The following ARID5B variants were observed in gnomAD, a reference collection of about 807,000 sequenced individuals.
The protein encoded by ARID5B is AT-rich interactive domain-containing protein 5B.
In ARID5B, 13 loss-of-function variants were observed where a neutral mutation model predicts 97.2. That is an observed-to-expected ratio of 0.13 (90% CI 0.09 to 0.21). The LOEUF is 0.21. Ranked by LOEUF, ARID5B falls within the 10% of genes least tolerant of loss-of-function variation. The probability of loss-of-function intolerance (pLI) is 1.00; values close to 1 mark genes in which losing one functional copy is unlikely to be tolerated. For synonymous variants in ARID5B, 556 were observed against 570.3 expected (o/e 0.97, Z 0.36); for missense variants, 1,210 against 1,465.3 (o/e 0.83, Z 2.84).
At position 62,000,135 on chromosome 10, in the gene ARID5B, C is replaced by T; in HGVS notation, c.547C>T (p.Gln183Ter). 1 of 1,613,994 alleles carries T rather than the reference C, an allele frequency of 6.2e-7. No homozygotes were observed. The highest frequency in any genetic ancestry group is 8.5e-7 in the Non-Finnish European group (1 of 1,179,916). Residue 183 changes from glutamine to a stop codon, truncating the protein, a stop_gained, in exon 4 of 10, where the codon CAG becomes TAG. Coordinates refer to ENST00000279873, the MANE Select transcript of ARID5B (RefSeq NM_032199.3). LOFTEE classifies it high-confidence loss of function. The surrounding 1 kb of genome is among the most constrained non-coding windows in gnomAD (Gnocchi z 4.4). Reference protein sequence around the residue: ...ETNVIVLSYPQYCRYRSMLKR... With the variant: ...ETNVIVLSYP ...GAACGTGATAGTTCTCAGCTACCCCCAGTACTGCCGGTACCGCTCGATGCT... is the reference window on the plus strand; with the variant it reads ...GAACGTGATAGTTCTCAGCTACCCCTAGTACTGCCGGTACCGCTCGATGCT...
Position 61,955,369 on chromosome 10 carries a change from C to T in ARID5B, c.502+14961C>T, listed in dbSNP as rs527442618. Among the ~76,000 whole-genome samples the T allele has an allele frequency of 6.6e-5, 10 of 152,288 alleles. No individual in the cohort carries two copies. The East Asian group carries it at 1.7e-3, about 26-fold the overall frequency. On this transcript the variant is annotated intron_variant, in intron 3 of 9. Transcript: ENST00000279873. ...ACATGCAGTAACATGCATCACTTCT[C>T]ACATTTCATTAATCAATGAAGTGAT...
At chr10:61,937,857 C>T (rs2893880) in intron 2 of ARID5B, among the ~76,000 whole-genome samples, 1 of 151,944 alleles carries the variant, frequency 6.6e-6, no homozygotes, top group Non-Finnish European at 1.5e-5. Context: ...ATGTTGGCTA[C>T]TTTTTGTTTT....
chr10:61,913,754 T>A (rs1843849303), intron 2 of ARID5B, among the ~76,000 whole-genome samples: 1 of 152,134 alleles, frequency 6.6e-6, no homozygotes, highest in Admixed American at 6.5e-5. Context: ...TTGTTTTGTT[T>A]GTTTGTTTGT....
chr10:61,975,812 A>C (rs1211147691), intron 3 of ARID5B, among the ~76,000 whole-genome samples: 1 of 152,150 alleles, frequency 6.6e-6, no homozygotes, highest in East Asian at 1.9e-4. Flanking sequence ...CTTTGCTTTC[A>C]TAGGGAGCGA....
chr10:62,008,570 G>C (rs1330366085), intron 4 of ARID5B, among the ~76,000 whole-genome samples: 2 of 152,204 alleles, frequency 1.3e-5, no homozygotes, highest in African/African-American at 4.8e-5. Flanking sequence ...AAACCCACTG[G>C]ACTGGAATCA....
At chr10:61,984,929 A>G (rs566834139) in intron 3 of ARID5B, among the ~76,000 whole-genome samples, 18 of 152,196 alleles carry the variant, frequency 1.2e-4, no homozygotes, top group Non-Finnish European at 2.6e-4. Context: ...TAGCTGTGTG[A>G]CTGTTGTTAA....
At chr10:61,984,560 G>T (rs74932148) in intron 3 of ARID5B, among the ~76,000 whole-genome samples, 1,707 of 151,716 alleles carry the variant, frequency 0.011, 15 homozygotes, top group Middle Eastern at 0.027. Flanking sequence ...GGCAGCAGGT[G>T]GGGGGGGCCT....
chr10:62,019,895 C>G lies in ARID5B; in HGVS notation c.733+19574C>G, dbSNP rs181961568. The stretch of plus-strand genomic sequence containing the variant: ...GAATTAGCAAGGACTGGTTAATCGC[C>G]CAGGGCTGAGCTCGTTCTGATTCCC... On this transcript the variant is annotated intron_variant, in intron 4 of 9. Transcript: ENST00000279873. 1.8e-4 allele frequency among the ~76,000 whole-genome samples: 28 copies of G among 152,242 alleles called. No individual in the cohort carries two copies. The East Asian group carries it at 5.2e-3, about 28-fold the overall frequency.
intron 4 of ARID5B, among the ~76,000 whole-genome samples, chr10:62,017,564 G>T (rs891841793): frequency 1.1e-4 from 17 of 151,882 alleles, no homozygotes; most frequent in Non-Finnish European, 2.9e-5. Context: ...TAATTCAGCT[G>T]CAGAGTAAGT....
At chr10:62,090,469 A>G (rs1322498806) in intron 9 of ARID5B, among the ~76,000 whole-genome samples, 1 of 152,230 alleles carries the variant, frequency 6.6e-6, no homozygotes, top group African/African-American at 2.4e-5. Context: ...CTTTAAAAAA[A>G]TCTTTCTCAG....
intron 4 of ARID5B, among the ~76,000 whole-genome samples, chr10:62,040,072 T>C (rs1324326854): frequency 6.6e-6 from 1 of 152,258 alleles, no homozygotes; most frequent in Non-Finnish European, 1.5e-5. Flanking sequence ...CCGACCCATA[T>C]TGACAGCAGG....
intron 3 of ARID5B, among the ~76,000 whole-genome samples, chr10:61,969,986 G>A (rs1343730497): frequency 6.6e-6 from 1 of 152,142 alleles, no homozygotes; most frequent in Non-Finnish European, 1.5e-5. Flanking sequence ...TTGCCAGTAC[G>A]AGAAAAGTGA....
intron 3 of ARID5B, among the ~76,000 whole-genome samples, chr10:61,992,939 T>C (rs957472113): frequency 6.6e-6 from 1 of 152,200 alleles, no homozygotes; most frequent in African/African-American, 2.4e-5. Context: ...GCAATACTGA[T>C]GTGTAATTTA....
intron 9 of ARID5B, among the ~76,000 whole-genome samples, chr10:62,089,771 G>T (rs1300572288): frequency 6.6e-6 from 1 of 151,974 alleles, no homozygotes; most frequent in Non-Finnish European, 1.5e-5. Flanking sequence ...CAGGTGATCT[G>T]CCTGCCTCGG....
rs773840670 is a variant in ARID5B at position 62,092,982 on chromosome 10, C to T, written c.3519C>T (p.Ala1173=). 1.9e-6 allele frequency: 3 copies of T among 1,613,622 alleles called. No homozygotes were observed. Among genetic ancestry groups the T allele is most frequent in the Admixed American group, 1.7e-5 (1 of 60,018 alleles). ...TAGCTGCTATAAATCCTCAAGCTGCCTTTCCATCTTCCCAGCTGTCATCCG... is the reference window on the plus strand; with the variant it reads ...TAGCTGCTATAAATCCTCAAGCTGCTTTTCCATCTTCCCAGCTGTCATCCG... The part of the protein sequence containing the change: ...YPLAAINPQA[A]FPSSQLSSVH... The change falls in exon 10 of 10, where the codon GCC becomes GCT. Residue 1173 remains alanine, a synonymous_variant. Coordinates refer to ENST00000279873, the MANE Select transcript of ARID5B (RefSeq NM_032199.3).
At chr10:61,982,364 AAC>A (rs1359266838) in intron 3 of ARID5B, among the ~76,000 whole-genome samples, 8 of 152,196 alleles carry the variant, frequency 5.3e-5, no homozygotes, top group Non-Finnish European at 4.4e-5. Context: ...TGTCAAGAAC[AAC>A]TGTTCTCCAG....
At chr10:61,949,649 C>T (rs767706450) in intron 3 of ARID5B, among the ~76,000 whole-genome samples, 4 of 152,110 alleles carry the variant, frequency 2.6e-5, no homozygotes, top group Admixed American at 1.3e-4. Flanking sequence ...ACCACCCCCC[C>T]ACGCCCCCAC....
rs538382424 is a variant in ARID5B at position 62,005,388 on chromosome 10, C to A, written c.733+5067C>A. Among the ~76,000 whole-genome samples, 6 of 152,306 alleles carry A rather than the reference C, an allele frequency of 3.9e-5. No homozygotes were observed. The East Asian group carries it at 9.6e-4, about 24-fold the overall frequency. On this transcript the variant is annotated intron_variant, in intron 4 of 9. Coordinates refer to ENST00000279873, the MANE Select transcript of ARID5B (RefSeq NM_032199.3). ...ACTGTGTTCACTTGATTTTAAAAAA[C>A]CCTCTTGATAAATGAAGATTCTCTA...
rs1840418337 is a variant in ARID5B at position 62,093,562 on chromosome 10, A to G, written c.*532A>G. The G allele has an allele frequency of 4.3e-6, 1 of 230,670 alleles. No individual in the cohort carries two copies. The highest frequency in any genetic ancestry group is 2.2e-5 in the African/African-American group (1 of 44,602). 14.3% of individuals were successfully genotyped at this position (230,670 alleles called of 1,614,324 possible). On this transcript the variant is annotated 3_prime_UTR_variant, in exon 10 of 10. Transcript: ENST00000279873. The stretch of plus-strand genomic sequence containing the variant: ...AAGTAAACACTGTTAAATTGACTGT[A>G]TATATTTGCTTCTTAAAACTACCTG...
Sources: gnomAD v4.1 joint callset for allele counts (sites outside exome capture counted in the v4.1 genomes callset) on GRCh38, gnomAD v4.1.1 for gene constraint, Gnocchi (gnomAD v3.1) non-coding constraint, MANE v1.5 for transcripts, NCBI Gene and HGNC (gene_info 2026-07-23, HGNC 2026-07-21) for gene names.